The following SEPTIN7 variants were observed in gnomAD, a reference collection of about 807,000 sequenced individuals.
SEPTIN7 encodes the protein septin 7.
In SEPTIN7, 10 loss-of-function variants were observed where a neutral mutation model predicts 63.3. The ratio of observed to expected loss-of-function variants is 0.16; its 90% CI spans 0.10 to 0.27. SEPTIN7 has a LOEUF of 0.27. Among genes scored for constraint, SEPTIN7 ranks in the 10% least tolerant of loss-of-function variants. The pLI is 1.00. For synonymous variants in SEPTIN7, 131 were observed against 165.3 expected, an observed-to-expected ratio of 0.79 and a Z score of 1.59; for missense variants, 310 against 521.0, an observed-to-expected ratio of 0.59 and a Z score of 3.94.
At chr7:35,902,981 G>A in intron 12 of SEPTIN7, 95 bp from the exon 13 acceptor site, 1 of 1,420,914 alleles carries the variant, frequency 7.0e-7, no homozygotes, top group Non-Finnish European at 9.2e-7. Context: ...TTCAAATAGT[G>A]CTCATACTCC....
At chr7:35,863,807 T>TA (rs746226867) in intron 4 of SEPTIN7, 149 bp downstream of exon 4, 2,465 of 440,968 alleles carry the variant, frequency 5.6e-3, no homozygotes, top group Middle Eastern at 0.014. Flanking sequence ...TCATAAAATT[T>TA]AAAAAAAAAA....
At chr7:35,894,829 T>C (rs1186801950) in intron 11 of SEPTIN7, among the ~76,000 whole-genome samples, 1 of 152,198 alleles carries the variant, frequency 6.6e-6, no homozygotes, top group East Asian at 1.9e-4. Flanking sequence ...TTTATTATAC[T>C]CCAAATGTGG....
At chr7:35,895,576 A>G (rs2116357606) in intron 11 of SEPTIN7, among the ~76,000 whole-genome samples, 1 of 152,346 alleles carries the variant, frequency 6.6e-6, no homozygotes, top group East Asian at 1.9e-4. Flanking sequence ...ATTTAGTGTA[A>G]TGATTATGAA....
chr7:35,870,823 T>TAAAAA (rs34827594), intron 4 of SEPTIN7, among the ~76,000 whole-genome samples: 1 of 114,656 alleles, frequency 8.7e-6, no homozygotes, highest in Non-Finnish European at 1.8e-5. Context: ...AGACCCTGAC[T>TAAAAA]AAAAAAAAAA....
intron 4 of SEPTIN7, among the ~76,000 whole-genome samples, chr7:35,870,363 TGAAG>T (rs1407861902): frequency 6.6e-6 from 1 of 152,212 alleles, no homozygotes; most frequent in Admixed American, 6.5e-5. Context: ...AGCATATTAC[TGAAG>T]GTAGAATGGG....
At chr7:35,846,553 G>A (rs1784676253) in intron 3 of SEPTIN7, among the ~76,000 whole-genome samples, 1 of 152,170 alleles carries the variant, frequency 6.6e-6, no homozygotes, top group African/African-American at 2.4e-5. Flanking sequence ...GCATTTGAGA[G>A]TGTCTTCAGG....
intron 1 of SEPTIN7, among the ~76,000 whole-genome samples, chr7:35,821,859 A>G (rs755261502): frequency 2.6e-5 from 4 of 151,498 alleles, no homozygotes; most frequent in Non-Finnish European, 4.4e-5. Flanking sequence ...GCTCACTGCA[A>G]CATCCACCTC....
chr7:35,828,873 G>A (rs1430651458), intron 1 of SEPTIN7, among the ~76,000 whole-genome samples: 2 of 152,098 alleles, frequency 1.3e-5, no homozygotes, highest in Non-Finnish European at 2.9e-5. Context: ...CAATCCTCTC[G>A]CCTTGGCCTC....
At chr7:35,832,176 A>G (rs1783864889) in intron 2 of SEPTIN7, 1 of 445,566 alleles carries the variant, frequency 2.2e-6, no homozygotes, top group Non-Finnish European at 4.5e-6. Flanking sequence ...ACCTGGATAA[A>G]CCTGAAGATA....
chr7:35,833,459 C>G (rs1235969359), intron 3 of SEPTIN7, among the ~76,000 whole-genome samples: 2 of 151,838 alleles, frequency 1.3e-5, no homozygotes, highest in Non-Finnish European at 2.9e-5. Flanking sequence ...TGCCTATAGT[C>G]CATTTGAAAA....
At chr7:35,913,644 G>T in the SEPTIN7 span, among the ~76,000 whole-genome samples, 1 of 149,688 alleles carries the variant, frequency 6.7e-6, no homozygotes, top group Non-Finnish European at 1.5e-5. Flanking sequence ...TGGCTGAAGT[G>T]CAGTGCACTG....
intron 11 of SEPTIN7, among the ~76,000 whole-genome samples, chr7:35,892,896 ATATTT>A (rs1211773293): frequency 6.6e-6 from 1 of 152,196 alleles, no homozygotes; most frequent in African/African-American, 2.4e-5. Context: ...AGCTAGCATA[ATATTT>A]TATTTTATGT....
At chr7:35,899,541 C>G (rs1788180453) in intron 12 of SEPTIN7, 2 of 151,962 alleles carry the variant, frequency 1.3e-5, no homozygotes, top group African/African-American at 2.4e-5. Context: ...CCTCAAAAAA[C>G]AAACAGACAA....
At chr7:35,813,837 A>G (rs906141653) in intron 1 of SEPTIN7, among the ~76,000 whole-genome samples, 1 of 152,212 alleles carries the variant, frequency 6.6e-6, no homozygotes, top group African/African-American at 2.4e-5. Flanking sequence ...TCGATAGTGT[A>G]TCAGTGCTTT....
chr7:35,830,804 A>G (rs1783797579), intron 1 of SEPTIN7, among the ~76,000 whole-genome samples: 1 of 152,126 alleles, frequency 6.6e-6, no homozygotes, highest in African/African-American at 2.4e-5. Context: ...GTGCTTCATT[A>G]GTTGCCTTTT....
Position 35,812,233 on chromosome 7 carries a change from C to A in SEPTIN7, c.61+10963C>A, listed in dbSNP as rs1788773081. Among the ~76,000 whole-genome samples, 5 of 151,844 alleles carry A rather than the reference C, an allele frequency of 3.3e-5. No homozygotes were observed. In the South Asian group the frequency reaches 1.0e-3, roughly 32 times the overall value. ...AGAATGACTTAGCTGGCAAGTAGAC[C>A]CACCAAAAATACTTGTTTGTGTTAG... On this transcript the variant is annotated intron_variant, in intron 1 of 13. Transcript: ENST00000350320.
intron 3 of SEPTIN7, among the ~76,000 whole-genome samples, chr7:35,840,571 C>G (rs1186850753): frequency 6.6e-6 from 1 of 151,818 alleles, no homozygotes; most frequent in Non-Finnish European, 1.5e-5. Context: ...AGTCATCATG[C>G]CTGGCCAGCA....
intron 9 of SEPTIN7, among the ~76,000 whole-genome samples, chr7:35,885,060 A>G (rs1365716702): frequency 1.3e-5 from 2 of 151,976 alleles, no homozygotes; most frequent in African/African-American, 4.8e-5. Flanking sequence ...ATGTTGCCCA[A>G]CTGGCCTCAG....
chr7:35,908,462 C>T (rs1788675998), downstream of SEPTIN7, among the ~76,000 whole-genome samples: 1 of 152,160 alleles, frequency 6.6e-6, no homozygotes, highest in African/African-American at 2.4e-5. Flanking sequence ...GCCAGGCTCT[C>T]AAAAAGGGTA....
Sources: allele counts gnomAD v4.1 joint callset (sites outside exome capture counted in the v4.1 genomes callset), GRCh38; gene constraint gnomAD v4.1.1; transcripts MANE v1.5; gene names NCBI Gene and HGNC (gene_info 2026-07-23, HGNC 2026-07-21).